Variants in ESR2 observed in about 807,000 individuals in gnomAD.
ESR2 encodes the protein estrogen receptor 2.
Under a neutral mutation model 49.6 loss-of-function variants are expected in ESR2, and 36 were observed. That is an observed-to-expected ratio of 0.73 (90% CI 0.56 to 0.96). The LOEUF is 0.96. ESR2 is among the 40% of genes least tolerant of loss of function. The pLI, the probability that ESR2 is intolerant of heterozygous loss-of-function variation, is 0.00. For missense variants in ESR2, 714 were observed against 693.0 expected, an observed-to-expected ratio of 1.03 and a Z score of -0.34; for synonymous variants, 320 against 266.1, an observed-to-expected ratio of 1.20 and a Z score of -1.97.
intron 6 of ESR2, among the ~76,000 whole-genome samples, chr14:64,256,582 A>G (rs1028271726): frequency 1.3e-5 from 2 of 152,162 alleles, no homozygotes; most frequent in African/African-American, 4.8e-5. Flanking sequence ...TAGAAAAATT[A>G]GCCTGGCATG....
intron 1 of ESR2, among the ~76,000 whole-genome samples, chr14:64,335,593 T>G (rs1225751836): frequency 6.6e-6 from 1 of 152,100 alleles, no homozygotes. Context: ...CTCATCTAAA[T>G]CAAACTACCT....
intron 4 of ESR2, among the ~76,000 whole-genome samples, chr14:64,265,140 G>A (rs1218609289): frequency 6.6e-6 from 1 of 152,118 alleles, no homozygotes; most frequent in Non-Finnish European, 1.5e-5. Flanking sequence ...TTCTATCAAG[G>A]ATGTTTCTAG....
At chr14:64,239,383 T>C (rs76333218) in intron 7 of ESR2, among the ~76,000 whole-genome samples, 3,335 of 152,324 alleles carry the variant, frequency 0.022, 102 homozygotes, top group African/African-American at 0.075. Flanking sequence ...CCAGTGTCTC[T>C]TAATAATTTT....
intron 1 of ESR2, among the ~76,000 whole-genome samples, chr14:64,323,394 G>C (rs1007888083): frequency 6.6e-6 from 1 of 152,020 alleles, no homozygotes; most frequent in Non-Finnish European, 1.5e-5. Flanking sequence ...TTTTAGTAGA[G>C]ACAGAGCTTC....
At chr14:64,321,794 C>T (rs1417829622) in intron 1 of ESR2, among the ~76,000 whole-genome samples, 1 of 152,184 alleles carries the variant, frequency 6.6e-6, no homozygotes. Context: ...TTATCCTAAG[C>T]AGATTAACAC....
chr14:64,307,932 A>G (rs2077129414), intron 1 of ESR2, among the ~76,000 whole-genome samples: 1 of 152,106 alleles, frequency 6.6e-6, no homozygotes, highest in Non-Finnish European at 1.5e-5. Context: ...TTTCTGCTCC[A>G]ATCTTAATTA....
intron 1 of ESR2, among the ~76,000 whole-genome samples, chr14:64,321,061 A>AT (rs1390004280): frequency 6.6e-6 from 1 of 152,136 alleles, no homozygotes; most frequent in Non-Finnish European, 1.5e-5. Context: ...ATAAAGTATT[A>AT]TTTTTTAATG....
At chr14:64,315,801 C>A (rs562291486) in intron 1 of ESR2, among the ~76,000 whole-genome samples, 1 of 151,968 alleles carries the variant, frequency 6.6e-6, no homozygotes, top group Non-Finnish European at 1.5e-5. Context: ...ACTACAGGTG[C>A]GTGCCACCAC....
At chr14:64,257,386 G>A (rs1420607311) in intron 5 of ESR2, 22 bp from the exon 6 acceptor site, 1 of 1,612,124 alleles carries the variant, frequency 6.2e-7, no homozygotes, top group Non-Finnish European at 8.5e-7. Context: ...AAGAGGCGGT[G>A]AGACACCCCC....
upstream of ESR2, among the ~76,000 whole-genome samples, chr14:64,298,024 T>A (rs1403274372): frequency 2.0e-5 from 3 of 152,190 alleles, no homozygotes. Context: ...AACACCTTTT[T>A]TTGGTGGTGA....
chr14:64,244,501 G>T (rs79698176), intron 7 of ESR2, among the ~76,000 whole-genome samples: 28 of 151,876 alleles, frequency 1.8e-4, no homozygotes, highest in African/African-American at 6.5e-4. Flanking sequence ...CAGATAGAAC[G>T]AAATGGCAGA....
intron 7 of ESR2, among the ~76,000 whole-genome samples, chr14:64,245,490 C>T (rs578034422): frequency 5.2e-4 from 57 of 109,704 alleles, no homozygotes; most frequent in Non-Finnish European, 7.7e-4. Context: ...CCAGCCTGGG[C>T]GACAGGGCAA....
upstream of ESR2, among the ~76,000 whole-genome samples, chr14:64,296,134 A>AT (rs2076955296): frequency 6.6e-6 from 1 of 152,166 alleles, no homozygotes; most frequent in South Asian, 2.1e-4. Flanking sequence ...TCATGAAGGA[A>AT]TTTCAACCAT....
At chr14:64,243,136 A>G (rs1300624991) in intron 7 of ESR2, among the ~76,000 whole-genome samples, 5 of 152,190 alleles carry the variant, frequency 3.3e-5, no homozygotes, top group African/African-American at 4.8e-5. Flanking sequence ...GAGCCAAACC[A>G]TATCACTTGG....
rs2076788591 is a variant in ESR2 at position 64,286,598 on chromosome 14, AATT to A, written c.-90-3526_-90-3524del. Among the ~76,000 whole-genome samples, 3 of 151,400 alleles carry A rather than the reference AATT, an allele frequency of 2.0e-5. No individual in the cohort carries two copies. The South Asian group carries it at 6.3e-4, about 32-fold the overall frequency. ...ATTACAAGCGAGAGCCACCAGCCAGAATTTTGTATTTTAATTACTTAGATTCCT... is the reference window on the plus strand; with the variant it reads ...ATTACAAGCGAGAGCCACCAGCCAGATTGTATTTTAATTACTTAGATTCCT... On this transcript the variant is annotated intron_variant, in intron 1 of 8. Transcript: ENST00000341099.
intron 2 of ESR2, among the ~76,000 whole-genome samples, chr14:64,281,488 C>T (rs1231256485): frequency 2.0e-5 from 3 of 151,032 alleles, no homozygotes; most frequent in Non-Finnish European, 4.4e-5. Context: ...AAGTTATCCA[C>T]AATGTTTATA....
At chr14:64,251,072 G>A (rs1280457777) in intron 6 of ESR2, among the ~76,000 whole-genome samples, 1 of 152,096 alleles carries the variant, frequency 6.6e-6, no homozygotes, top group Non-Finnish European at 1.5e-5. Flanking sequence ...CCAGAGCACT[G>A]GGCAAAGAGT....
chr14:64,238,422 T>C (rs944461), intron 7 of ESR2, among the ~76,000 whole-genome samples: 6,993 of 152,286 alleles, frequency 0.046, 510 homozygotes, highest in East Asian at 0.37. Flanking sequence ...CCTGTTCTCA[T>C]TGATCACATA....
At chr14:64,337,357 A>T (rs1397519780) in intron 1 of ESR2, 1 of 152,260 alleles carries the variant, frequency 6.6e-6, no homozygotes, top group African/African-American at 2.4e-5. Context: ...GTCAATATCT[A>T]CTTGGTATTA....
Sources: allele counts gnomAD v4.1 joint callset (sites outside exome capture counted in the v4.1 genomes callset), GRCh38; gene constraint gnomAD v4.1.1; transcripts MANE v1.5; gene names NCBI Gene and HGNC (gene_info 2026-07-23, HGNC 2026-07-21).